Variants in CATSPER2 observed in about 807,000 individuals in gnomAD.
CATSPER2 encodes cation channel sperm associated 2.
CATSPER2 carries 56 observed loss-of-function variants against 68.8 expected under a neutral mutation model. That is an observed-to-expected ratio of 0.81 (90% confidence interval 0.66 to 1.02). The LOEUF is 1.02. Ranked by LOEUF, CATSPER2 falls within the 50% of genes least tolerant of loss-of-function variation. The pLI, the probability that CATSPER2 is intolerant of heterozygous loss-of-function variation, is 0.00. For missense variants in CATSPER2, 582 were observed against 642.0 expected, an observed-to-expected ratio of 0.91 and a Z score of 1.01; for synonymous variants, 198 against 229.9, an observed-to-expected ratio of 0.86 and a Z score of 1.26.
rs1355190761 is a variant in CATSPER2, at chr15:43,632,811, C to G, written c.1302G>C (p.Leu434Phe). Residue 434 changes from leucine to phenylalanine, a missense_variant, in exon 11 of 13, where the codon TTG becomes TTC. Around this residue, in one of 5 missense-constraint regions of CATSPER2, gnomAD observed 235 missense variants for 264.2 expected, o/e 0.89. Coordinates refer to ENST00000396879, the MANE Select transcript of CATSPER2 (RefSeq NM_172095.4). ...ITSASKTEETLSKKREYQSSS... is the reference protein window; with the variant it reads ...ITSASKTEETFSKKREYQSSS... The stretch of plus-strand genomic sequence containing the variant: ...AAGACTGGTACTCTCTCTTTTTTGA[C>G]AAGGTCTCTTCTGTTTTTGATGCAG... The G allele has an allele frequency of 1.2e-6, 2 of 1,613,546 alleles. No homozygotes were observed.
rs202093954 is a variant in CATSPER2, at chr15:43,648,072, A to G, written c.-2-9T>C. 8.7e-6 allele frequency: 14 copies of G among 1,613,282 alleles called. No individual in the cohort carries two copies. ...TTGGTAAGCGGCCATGTCTGCTAAGAAAATGTAAGCATCAAGTGTCATTTC... is the reference window on the plus strand; with the variant it reads ...TTGGTAAGCGGCCATGTCTGCTAAGGAAATGTAAGCATCAAGTGTCATTTC... On this transcript the variant is annotated splice_polypyrimidine_tract_variant and intron_variant, in intron 1 of 12. Transcript: ENST00000396879.
chr15:43,643,851 GTTTTA>G (rs2086114181), intron 4 of CATSPER2, among the ~76,000 whole-genome samples: 1 of 151,730 alleles, frequency 6.6e-6, no homozygotes, highest in Non-Finnish European at 1.5e-5. Flanking sequence ...TTATACTTAG[GTTTTA>G]TTTTATTTTT....
Position 43,640,435 on chromosome 15 carries a change from A to G in CATSPER2, c.450T>C (p.Ala150=). 6.2e-7 allele frequency: 1 copy of G among 1,613,232 alleles called. No individual in the cohort carries two copies. Among genetic ancestry groups the G allele is most frequent in the East Asian group, 2.2e-5 (1 of 44,854 alleles). The change falls in exon 5 of 13, where the codon GCT becomes GCC. Residue 150 remains alanine, a synonymous_variant. Transcript: ENST00000396879. ...WPLKLTLEVA[A]WFILLIFILE... is the part of the protein sequence containing the mutation. Reference sequence around the variant, plus strand: ...GGATGAAAATAAGCAAGATAAACCAAGCTGCCACCTCCAAGGTCAGCTTCA... The same window carrying G: ...GGATGAAAATAAGCAAGATAAACCAGGCTGCCACCTCCAAGGTCAGCTTCA...
chr15:43,635,513 T>G (rs963971053), intron 9 of CATSPER2, 97 bp from the exon 10 acceptor site: 1 of 1,356,744 alleles, frequency 7.4e-7, no homozygotes, highest in Non-Finnish European at 1.0e-6. Context: ...AGAAAACTAA[T>G]TGGGGAGAAC....
chr15:43,645,761 C>A (rs1166586270), intron 4 of CATSPER2, among the ~76,000 whole-genome samples: 2 of 151,968 alleles, frequency 1.3e-5, no homozygotes, highest in Middle Eastern at 6.8e-3. Flanking sequence ...CCACTGCACT[C>A]CAGCCTAAGC....
At chr15:43,639,579 T>C (rs2086035484) in intron 6 of CATSPER2, 64 bp downstream of exon 6, 4 of 1,609,240 alleles carry the variant, frequency 2.5e-6, no homozygotes, top group Non-Finnish European at 3.4e-6. Flanking sequence ...TGTTTCATAT[T>C]CTATGTTAAG....
chr15:43,633,706 G>C (rs572914959), intron 10 of CATSPER2: 1 of 151,792 alleles, frequency 6.6e-6, no homozygotes, highest in Admixed American at 6.6e-5. Context: ...CACTTTTGGA[G>C]GCTGAGGCGG....
chr15:43,646,168 A>G (rs1386318385), intron 4 of CATSPER2, among the ~76,000 whole-genome samples: 1 of 151,888 alleles, frequency 6.6e-6, no homozygotes, highest in African/African-American at 2.4e-5. Flanking sequence ...CAACAGAAAT[A>G]AAACTGGTCT....
intron 7 of CATSPER2, among the ~76,000 whole-genome samples, chr15:43,637,409 T>C (rs1470527954): frequency 1.3e-5 from 2 of 151,858 alleles, no homozygotes; most frequent in South Asian, 2.1e-4. Context: ...TTCCTACCTT[T>C]CTTTTTAGTC....
intron 4 of CATSPER2, 79 bp downstream of exon 4, chr15:43,646,971 C>G: frequency 8.1e-7 from 1 of 1,228,924 alleles, no homozygotes; most frequent in Non-Finnish European, 1.2e-6. Flanking sequence ...CACGCCCCGG[C>G]CTCCCAAAGT....
chr15:43,645,799 A>G (rs555522210), intron 4 of CATSPER2, among the ~76,000 whole-genome samples: 1 of 152,022 alleles, frequency 6.6e-6, no homozygotes, highest in East Asian at 1.9e-4. Context: ...TCTCTAAAAC[A>G]TAAAGTGGGA....
rs564767695 is a variant in CATSPER2, at chr15:43,641,777, C to G, written c.389-1281G>C. On this transcript the variant is annotated intron_variant, in intron 4 of 12. Transcript: ENST00000396879. ...CTGGAGGAGTGCAGTTGCATAATCA[C>G]GGTTCACGGAAGCCTGGCTCTTCCG... Among the ~76,000 whole-genome samples, 12 of 152,134 alleles carry G rather than the reference C, an allele frequency of 7.9e-5. 1 individual carries two copies. The highest frequency in any genetic ancestry group is 2.9e-4 in the African/African-American group (12 of 41,496).
At chr15:43,637,948 T>C (rs2085993446) in intron 7 of CATSPER2, among the ~76,000 whole-genome samples, 1 of 151,794 alleles carries the variant, frequency 6.6e-6, no homozygotes, top group South Asian at 2.1e-4. Flanking sequence ...TCTTTTTTTT[T>C]TTTTTCTTTT....
At chr15:43,631,598 A>T in intron 12 of CATSPER2, 1 of 296,038 alleles carries the variant, frequency 3.4e-6, no homozygotes, top group Non-Finnish European at 7.3e-6. Context: ...TTTAGGAAAA[A>T]TAACTTTGAA....
rs1342389061 is a variant in CATSPER2 at position 43,647,091 on chromosome 15, A to C, written c.347T>G (p.Phe116Cys). 6.2e-7 allele frequency: 1 copy of C among 1,613,030 alleles called. No individual in the cohort carries two copies. Among genetic ancestry groups the C allele is most frequent in the Admixed American group, 1.7e-5 (1 of 59,994 alleles). ...ECPLFKNFIIFLVFLNTIILM... is the reference protein window; with the variant it reads ...ECPLFKNFIICLVFLNTIILM... ...TATGATCGTATTCAAAAAGACCAGG[A>C]AGATGATGAAGTTTTTGAAGAGAGG... Residue 116 changes from phenylalanine to cysteine, a missense_variant, in exon 4 of 13, where the codon TTC becomes TGC. This residue lies in a region of CATSPER2 where 197 missense variants were observed against 191.0 expected (regional missense o/e 1.03). Coordinates refer to ENST00000396879, the MANE Select transcript of CATSPER2 (RefSeq NM_172095.4).
At chr15:43,645,778 G>C (rs972545172) in intron 4 of CATSPER2, among the ~76,000 whole-genome samples, 1 of 151,906 alleles carries the variant, frequency 6.6e-6, no homozygotes, top group African/African-American at 2.4e-5. Flanking sequence ...AAGCAACAAA[G>C]TGAGACTCTG....
chr15:43,632,232 G>C lies in CATSPER2; in HGVS notation c.1528C>G (p.Leu510Val). 3.1e-6 allele frequency: 5 copies of C among 1,613,606 alleles called. No homozygotes were observed. The highest frequency in any genetic ancestry group is 4.2e-6 in the Non-Finnish European group (5 of 1,179,778). ...FELLEKLQYN[L>V]EERKKLQEFA... ...TCTTGTAACTTCTTACGTTCCTCTA[G>C]GTTATACTGAAGCTTTTCTAGCAAC... Residue 510 changes from leucine (L) to valine (V), a missense_variant, in exon 12 of 13, where the codon CTA becomes GTA. Transcript: ENST00000396879.
Position 43,648,645 on chromosome 15 carries a change from T to C in CATSPER2, c.-19A>G, listed in dbSNP as rs1227195599. The C allele has an allele frequency of 3.6e-6, 5 of 1,398,888 alleles. No homozygotes were observed. Among genetic ancestry groups the C allele is most frequent in the African/African-American group, 1.5e-5 (1 of 66,494 alleles). The allele number at this position is 1,398,888 out of a possible 1,614,324, so 86.7% of individuals were successfully genotyped here. On this transcript the variant is annotated 5_prime_UTR_variant, in exon 1 of 13. Coordinates refer to ENST00000396879, the MANE Select transcript of CATSPER2 (RefSeq NM_172095.4). Reference sequence around the variant, plus strand: ...GGGCCTCACCTCAGCCCAGGTTCTCTTTGCCCACTCAGTCCTTATTTCACG... The same window carrying C: ...GGGCCTCACCTCAGCCCAGGTTCTCCTTGCCCACTCAGTCCTTATTTCACG...
At chr15:43,640,216 G>A (rs1482191069) in intron 5 of CATSPER2, 108 bp downstream of exon 5, 7 of 1,581,948 alleles carry the variant, frequency 4.4e-6, no homozygotes, top group Non-Finnish European at 5.2e-6. Context: ...AAAGAAAGAA[G>A]TTAAGTAAAT....
Sources: allele counts gnomAD v4.1 joint callset (sites outside exome capture counted in the v4.1 genomes callset), GRCh38; gene constraint gnomAD v4.1.1; regional missense constraint gnomAD v4.1.1; transcripts MANE v1.5; gene names NCBI Gene and HGNC (gene_info 2026-07-23, HGNC 2026-07-21).